The following ITGA7 variants were observed in gnomAD, a reference collection of about 807,000 sequenced individuals.
ITGA7 encodes integrin subunit alpha 7.
Under a neutral mutation model 131.6 loss-of-function variants are expected in ITGA7, and 84 were observed. That is an observed-to-expected ratio of 0.64 (90% CI 0.54 to 0.77). The LOEUF is 0.77. ITGA7 is among the 30% of genes least tolerant of loss of function. The pLI is 0.00. For missense variants in ITGA7, 1,399 were observed against 1,482.9 expected, an observed-to-expected ratio of 0.94 and a Z score of 0.93; for synonymous variants, 548 against 600.7, an observed-to-expected ratio of 0.91 and a Z score of 1.28.
upstream of ITGA7, chr12:55,707,984 G>A: frequency 7.8e-7 from 1 of 1,280,258 alleles, no homozygotes; most frequent in Non-Finnish European, 9.9e-7. Flanking sequence ...GGCAGGTGGA[G>A]ACCCAAGCCC....
At chr12:55,699,417 A>G in intron 5 of ITGA7, 1 of 277,620 alleles carries the variant, frequency 3.6e-6, no homozygotes, top group Non-Finnish European at 7.0e-6. Flanking sequence ...GACAAGGGGG[A>G]GTGAGAGAGC....
Position 55,695,584 on chromosome 12 carries a change from C to A in ITGA7, c.1941G>T (p.Leu647=). Residue 647 remains leucine (L), a synonymous_variant, in exon 14 of 25, where the codon CTG becomes CTT. Transcript: ENST00000257879. ...TACAGAAGCGGGCGCGGACCAGCTG[C>A]AGATTGCTCTGGCAGATCTTGTCTT... ...CGEDKICQSN[L]QLVRARFCTR... The A allele has an allele frequency of 6.2e-7, 1 of 1,614,002 alleles. No homozygotes were observed. Among genetic ancestry groups the A allele is most frequent in the Non-Finnish European group, 8.5e-7 (1 of 1,179,992 alleles).
rs992621027 is a variant in ITGA7 at position 55,704,185 on chromosome 12, T to A, written c.207-1007A>T. Among the ~76,000 whole-genome samples, 6 of 152,208 alleles carry A rather than the reference T, an allele frequency of 3.9e-5. No individual in the cohort carries two copies. The East Asian group carries it at 1.2e-3, about 29-fold the overall frequency. The stretch of plus-strand genomic sequence containing the variant: ...GCAGTGGGACAAACCTCAACGCCTC[T>A]CTCCCACACTCTTCTCCTCCATCTC... On this transcript the variant is annotated intron_variant, in intron 1 of 24. Coordinates refer to ENST00000257879, the MANE Select transcript of ITGA7 (RefSeq NM_002206.3).
rs111450088 is a variant in ITGA7, at chr12:55,699,682, T to C, written c.790+188A>G. ...CTCACAGCCCCAGAGGCCACCACCCTGGGGGCCTCCTCCTCTTAGGCCTGA... is the reference window on the plus strand; with the variant it reads ...CTCACAGCCCCAGAGGCCACCACCCCGGGGGCCTCCTCCTCTTAGGCCTGA... On this transcript the variant is annotated intron_variant, in intron 5 of 24. Transcript: ENST00000257879. 0.013 allele frequency: 9,165 copies of C among 724,718 alleles called. 618 individuals are homozygous for C. The African/African-American group carries it at 0.14, about 11-fold the overall frequency. 44.9% of individuals were successfully genotyped at this position (724,718 alleles called of 1,614,324 possible).
chr12:55,699,792 A>G, intron 5 of ITGA7, 78 bp downstream of exon 5: 1 of 1,525,442 alleles, frequency 6.6e-7, no homozygotes, highest in Non-Finnish European at 8.9e-7. Context: ...ATTATAAGGC[A>G]CCAAAGGTCG....
At chr12:55,705,219 G>A (rs1052794554) in intron 1 of ITGA7, among the ~76,000 whole-genome samples, 3 of 152,166 alleles carry the variant, frequency 2.0e-5, no homozygotes, top group South Asian at 2.1e-4. Context: ...GAGACCAATC[G>A]ATCCTTAGTG....
Position 55,693,261 on chromosome 12 carries a change from CA to C in ITGA7, c.2591del (p.Met864SerfsTer128). 6.2e-7 allele frequency: 1 copy of C among 1,614,026 alleles called. No homozygotes were observed. Among genetic ancestry groups the C allele is most frequent in the Non-Finnish European group, 8.5e-7 (1 of 1,180,022 alleles). ...RTLGSAFLNI[M>X]WPHEIANGKW... Reference sequence around the variant, plus strand: ...TCCCATTGGCAATCTCATGAGGCCACATGATGTTGAGGAAGGCAGAGCCCAG... The same window carrying C: ...TCCCATTGGCAATCTCATGAGGCCACTGATGTTGAGGAAGGCAGAGCCCAG... On this transcript the variant is annotated frameshift_variant, in exon 20 of 25. Transcript: ENST00000257879. LOFTEE classifies it high-confidence loss of function.
At position 55,697,741 on chromosome 12, in the gene ITGA7, G is replaced by T; in HGVS notation, c.1363C>A (p.Pro455Thr). 1 of 1,614,116 alleles carries T rather than the reference G, an allele frequency of 6.2e-7. No homozygotes were observed. Among genetic ancestry groups the T allele is most frequent in the Non-Finnish European group, 8.5e-7 (1 of 1,180,014 alleles). ...GSLDMDGNQY[P>T]DLLVGSLADT... ...GCCAGGGAGCCCACCAGCAGGTCAGGGTATTGGTTCCCATCCATATCCAAG... is the reference window on the plus strand; with the variant it reads ...GCCAGGGAGCCCACCAGCAGGTCAGTGTATTGGTTCCCATCCATATCCAAG... The change falls in exon 9 of 25, where the codon CCT (proline) becomes ACT (threonine). Residue 455 changes from proline (P) to threonine (T), a missense_variant. Pro to Thr is a conservative substitution (Grantham distance 38). Coordinates refer to ENST00000257879, the MANE Select transcript of ITGA7 (RefSeq NM_002206.3).
At position 55,696,935 on chromosome 12, in the gene ITGA7, A is replaced by C; in HGVS notation, c.1701T>G (p.His567Gln). Reference protein sequence around the residue: ...ASGTVWLKHQHDRVCGDAMFQ... With the variant: ...ASGTVWLKHQQDRVCGDAMFQ... Reference sequence around the variant, plus strand: ...ACATGGCGTCTCCACAGACTCGGTCATGCTGGTGCTTCAGCCACACGGTGC... The same window carrying C: ...ACATGGCGTCTCCACAGACTCGGTCCTGCTGGTGCTTCAGCCACACGGTGC... Residue 567 changes from histidine (H) to glutamine (Q), a missense_variant, in exon 12 of 25, where the codon CAT (histidine) becomes CAG (glutamine). Transcript: ENST00000257879. The C allele has an allele frequency of 6.2e-7, 1 of 1,614,218 alleles. No individual in the cohort carries two copies.
intron 1 of ITGA7, among the ~76,000 whole-genome samples, chr12:55,706,083 G>C (rs1475127190): frequency 1.3e-5 from 2 of 152,230 alleles, no homozygotes; most frequent in Admixed American, 1.3e-4. Flanking sequence ...GCCACCTTCA[G>C]AGAGGAGGGG....
chr12:55,700,569 G>A, intron 4 of ITGA7: 1 of 717,902 alleles, frequency 1.4e-6, no homozygotes, highest in East Asian at 2.7e-5. Flanking sequence ...CACTCACCGA[G>A]TGTCAGCTCA....
At chr12:55,716,390 C>T (rs1876529196), upstream of ITGA7, 2 of 1,414,328 alleles carry the variant, frequency 1.4e-6, no homozygotes, top group East Asian at 2.7e-5. Context: ...GTCCCTTGGG[C>T]AATACTCCGG....
intron 1 of ITGA7, among the ~76,000 whole-genome samples, chr12:55,707,076 T>C (rs1875353243): frequency 6.6e-6 from 1 of 152,192 alleles, no homozygotes; most frequent in African/African-American, 2.4e-5. Flanking sequence ...CACCCTCAAC[T>C]TCTATGTCCT....
upstream of ITGA7, among the ~76,000 whole-genome samples, chr12:55,713,096 C>T (rs1213541768): frequency 6.6e-6 from 1 of 151,972 alleles, no homozygotes; most frequent in Non-Finnish European, 1.5e-5. Context: ...TATCTTGACA[C>T]TTCCAACCCA....
At chr12:55,706,371 C>T (rs1338894343) in intron 1 of ITGA7, among the ~76,000 whole-genome samples, 1 of 152,112 alleles carries the variant, frequency 6.6e-6, no homozygotes, top group African/African-American at 2.4e-5. Flanking sequence ...TAGAGCTAGG[C>T]CCCCACTCCC....
At chr12:55,710,673 G>A (rs1445240982), upstream of ITGA7, among the ~76,000 whole-genome samples, 3 of 152,002 alleles carry the variant, frequency 2.0e-5, no homozygotes, top group East Asian at 1.9e-4. Context: ...CTAGGCGGGA[G>A]TGTCACTTGA....
At chr12:55,695,379 C>T in intron 14 of ITGA7, 143 bp downstream of exon 14, 1 of 677,128 alleles carries the variant, frequency 1.5e-6, no homozygotes, top group Non-Finnish European at 2.6e-6. Flanking sequence ...TCTCAGTCTC[C>T]AAGTCCATCG....
At chr12:55,701,910 A>C (rs1874100720) in intron 3 of ITGA7, among the ~76,000 whole-genome samples, 1 of 152,184 alleles carries the variant, frequency 6.6e-6, no homozygotes, top group Non-Finnish European at 1.5e-5. Flanking sequence ...CTTAACATGA[A>C]CCAGATTCTG....
intron 21 of ITGA7, among the ~76,000 whole-genome samples, chr12:55,691,515 G>A (rs1871409043): frequency 6.6e-6 from 1 of 152,180 alleles, no homozygotes; most frequent in African/African-American, 2.4e-5. Context: ...GTGAGGTGAT[G>A]CATATGTTAA....
Sources: gnomAD v4.1 joint callset for allele counts (sites outside exome capture counted in the v4.1 genomes callset) on GRCh38, gnomAD v4.1.1 for gene constraint, MANE v1.5 for transcripts, NCBI Gene and HGNC (gene_info 2026-07-23, HGNC 2026-07-21) for gene names.